Variants in SLC44A5 observed in about 807,000 individuals in gnomAD.
SLC44A5 encodes the protein choline transporter-like protein 5.
SLC44A5 carries 57 observed loss-of-function variants against 101.8 expected under a neutral mutation model. The observed-to-expected ratio is 0.56, with a 90% confidence interval of 0.45 to 0.70. The LOEUF (loss-of-function observed/expected upper bound fraction) is 0.70. SLC44A5 is among the 30% of genes least tolerant of loss of function. SLC44A5 has a pLI of 0.00. For synonymous variants in SLC44A5, 281 were observed against 290.9 expected (o/e 0.97, Z 0.35); for missense variants, 737 against 853.1 (o/e 0.86, Z 1.70).
intron 4 of SLC44A5, among the ~76,000 whole-genome samples, chr1:75,310,601 T>C (rs564555164): frequency 2.0e-5 from 3 of 152,350 alleles, no homozygotes; most frequent in Non-Finnish European, 2.9e-5. Context: ...TTACAGAATA[T>C]ATCACAGCTA....
chr1:75,300,638 A>G lies in SLC44A5; in HGVS notation c.149T>C (p.Ile50Thr), dbSNP rs866225918. 1.9e-6 allele frequency: 3 copies of G among 1,607,148 alleles called. No individual in the cohort carries two copies. In the African/African-American group the frequency reaches 4.0e-5, roughly 22 times the overall value. ...CACAAGTCCTAAAACAATGTAGCCA[A>G]TAATACACAGTAGGAAGATCATACA... is the stretch of plus-strand genomic sequence containing the variant. ...LCCMIFLLCI[I>T]GYIVLGLVAW... The change falls in exon 5 of 24, where the codon ATT (isoleucine) becomes ACT (threonine). Residue 50 changes from isoleucine (I) to threonine (T), a missense_variant. Transcript: ENST00000370859.
intron 3 of SLC44A5, among the ~76,000 whole-genome samples, chr1:75,373,101 G>A (rs1282282379): frequency 1.3e-5 from 2 of 152,136 alleles, no homozygotes; most frequent in South Asian, 4.1e-4. Context: ...TTAGGTCAAA[G>A]TGTCAGAATC....
intron 2 of SLC44A5, among the ~76,000 whole-genome samples, chr1:75,461,662 G>A (rs1666505347): frequency 6.6e-6 from 1 of 152,148 alleles, no homozygotes. Flanking sequence ...TAGCATTTCT[G>A]AAACTGCTCT....
At chr1:75,505,747 A>G (rs180792132) in intron 2 of SLC44A5, among the ~76,000 whole-genome samples, 1 of 152,158 alleles carries the variant, frequency 6.6e-6, no homozygotes, top group Admixed American at 6.5e-5. Flanking sequence ...TGGATTTCAG[A>G]TATTGGACCT....
intron 4 of SLC44A5, among the ~76,000 whole-genome samples, chr1:75,313,127 T>G (rs1306411656): frequency 4.6e-5 from 7 of 152,112 alleles, no homozygotes; most frequent in Non-Finnish European, 7.4e-5. Flanking sequence ...CCAGGGCCAG[T>G]TCTGTTTCAT....
chr1:75,328,452 T>C (rs1247775440), intron 4 of SLC44A5, among the ~76,000 whole-genome samples: 1 of 152,112 alleles, frequency 6.6e-6, no homozygotes. Context: ...GTCAGGTGAA[T>C]TTGGGTTGAA....
At chr1:75,260,556 C>T (rs1452777267) in intron 6 of SLC44A5, among the ~76,000 whole-genome samples, 1 of 152,100 alleles carries the variant, frequency 6.6e-6, no homozygotes, top group African/African-American at 2.4e-5. Flanking sequence ...GAGGCTTAGA[C>T]TCCCACACAA....
chr1:75,680,233 A>C, the SLC44A5 span, among the ~76,000 whole-genome samples: 1 of 151,850 alleles, frequency 6.6e-6, no homozygotes, highest in African/African-American at 2.4e-5. Flanking sequence ...GATACCCAGG[A>C]ATTGAACTCA....
At chr1:75,461,097 A>G (rs1176334632) in intron 2 of SLC44A5, among the ~76,000 whole-genome samples, 2 of 152,202 alleles carry the variant, frequency 1.3e-5, no homozygotes, top group Non-Finnish European at 2.9e-5. Context: ...ATATTGATTA[A>G]ACAAAATGTC....
chr1:75,522,006 CAGG>C (rs1670155596), intron 2 of SLC44A5: 1 of 152,172 alleles, frequency 6.6e-6, no homozygotes, highest in South Asian at 2.1e-4. Flanking sequence ...AGAGAAGGAG[CAGG>C]AGGAGAGGAA....
At chr1:75,648,345 A>T in the SLC44A5 span, among the ~76,000 whole-genome samples, 4 of 152,162 alleles carry the variant, frequency 2.6e-5, no homozygotes, top group Non-Finnish European at 5.9e-5. Context: ...TAAATTACCC[A>T]GTTTTGGACA....
the SLC44A5 span, among the ~76,000 whole-genome samples, chr1:75,668,501 A>G: frequency 9.3e-5 from 14 of 150,346 alleles, no homozygotes; most frequent in Admixed American, 6.6e-5. Context: ...ATTTTTTGAG[A>G]AGGAGTTTCA....
intron 2 of SLC44A5, among the ~76,000 whole-genome samples, chr1:75,434,144 A>G (rs1664761668): frequency 6.6e-6 from 1 of 152,060 alleles, no homozygotes; most frequent in Non-Finnish European, 1.5e-5. Flanking sequence ...CTGTGTTCTC[A>G]CCTTAGCCGA....
Position 75,219,488 on chromosome 1 carries a change from G to A in SLC44A5, c.1179-144C>T, listed in dbSNP as rs547963487. On this transcript the variant is annotated intron_variant, in intron 15 of 23. Transcript: ENST00000370859. ...TTAATAATATTCATCTATTTTTCAG[G>A]CCTAGATTAATGTAATGTGGGCCAG... 21 of 676,164 alleles carry A rather than the reference G, an allele frequency of 3.1e-5. No individual in the cohort carries two copies. In the Admixed American group the frequency reaches 3.2e-4, roughly 10 times the overall value. The allele number at this position is 676,164 out of a possible 1,614,324, so 41.9% of individuals were successfully genotyped here. A position where few individuals can be genotyped will look rare whatever the true frequency, so the allele number is the denominator to read the frequency against.
chr1:75,606,061 C>A (rs938918952), intron 1 of SLC44A5, among the ~76,000 whole-genome samples: 1 of 151,904 alleles, frequency 6.6e-6, no homozygotes, highest in Non-Finnish European at 1.5e-5. Flanking sequence ...GTAAAATTGC[C>A]CCTGGTTGAG....
intron 5 of SLC44A5, among the ~76,000 whole-genome samples, chr1:75,280,093 A>C (rs1257853948): frequency 1.4e-5 from 2 of 139,776 alleles, no homozygotes; most frequent in African/African-American, 5.3e-5. Flanking sequence ...ATTCCTTGTT[A>C]TGGCTGAGTA....
At chr1:75,446,290 A>C (rs1409658154) in intron 2 of SLC44A5, among the ~76,000 whole-genome samples, 2 of 152,048 alleles carry the variant, frequency 1.3e-5, no homozygotes, top group African/African-American at 4.8e-5. Context: ...TGCCTCTCTA[A>C]TCATATCTCC....
At chr1:75,301,689 G>A (rs1351662808) in intron 4 of SLC44A5, among the ~76,000 whole-genome samples, 1 of 152,136 alleles carries the variant, frequency 6.6e-6, no homozygotes, top group East Asian at 1.9e-4. Flanking sequence ...GATAAAGCCT[G>A]TTATACTTGT....
chr1:75,436,849 T>A (rs900434712), intron 2 of SLC44A5, among the ~76,000 whole-genome samples: 2 of 152,174 alleles, frequency 1.3e-5, no homozygotes, highest in Non-Finnish European at 2.9e-5. Flanking sequence ...TATTTTTAAA[T>A]TTTTTATTGC....
Sources: gnomAD v4.1 joint callset for allele counts (sites outside exome capture counted in the v4.1 genomes callset) on GRCh38, gnomAD v4.1.1 for gene constraint, MANE v1.5 for transcripts, NCBI Gene and HGNC (gene_info 2026-07-23, HGNC 2026-07-21) for gene names.